The following IPO11 variants were observed in gnomAD, a reference collection of about 807,000 sequenced individuals.
The protein encoded by IPO11 is importin-11.
In IPO11, 66 loss-of-function variants were observed where a neutral mutation model predicts 143.2. The observed-to-expected ratio is 0.46, with a 90% CI of 0.38 to 0.57. The LOEUF is 0.57. Among genes scored for constraint, IPO11 ranks in the 20% least tolerant of loss-of-function variants. IPO11 has a pLI of 0.00. For missense variants in IPO11, 1,026 were observed against 1,141.0 expected, an observed-to-expected ratio of 0.90 and a Z score of 1.45; for synonymous variants, 385 against 377.8, an observed-to-expected ratio of 1.02 and a Z score of -0.22.
intron 22 of IPO11, among the ~76,000 whole-genome samples, chr5:62,534,537 CAT>C (rs1742670794): frequency 6.6e-6 from 1 of 152,070 alleles, no homozygotes; most frequent in Admixed American, 6.5e-5. Context: ...AGATATGAAT[CAT>C]ATATGCACAG....
At chr5:62,601,580 T>A (rs1745509129) in intron 28 of IPO11, among the ~76,000 whole-genome samples, 184 bp from the exon 29 acceptor site, 1 of 152,148 alleles carries the variant, frequency 6.6e-6, no homozygotes, top group East Asian at 1.9e-4. Flanking sequence ...CTTTTTATAG[T>A]GAGATATCTT....
At chr5:62,450,434 G>A (rs1744869688) in intron 4 of IPO11, among the ~76,000 whole-genome samples, 1 of 152,106 alleles carries the variant, frequency 6.6e-6, no homozygotes, top group South Asian at 2.1e-4. Context: ...TCATTAGTTT[G>A]TGGTGATGTT....
intron 3 of IPO11, among the ~76,000 whole-genome samples, chr5:62,446,969 A>T (rs915378378): frequency 2.8e-5 from 4 of 142,602 alleles, no homozygotes; most frequent in African/African-American, 1.1e-4. Context: ...TCTGACTGCA[A>T]AAAAAAAAAA....
At chr5:62,461,714 A>G (rs1321648470) in intron 5 of IPO11, among the ~76,000 whole-genome samples, 1 of 152,212 alleles carries the variant, frequency 6.6e-6, no homozygotes, top group Admixed American at 6.5e-5. Context: ...GCCTTCATTT[A>G]GCAATACCTG....
chr5:62,524,107 G>A (rs1742290388), intron 20 of IPO11, among the ~76,000 whole-genome samples: 1 of 151,990 alleles, frequency 6.6e-6, no homozygotes, highest in East Asian at 1.9e-4. Context: ...TGAACTTTCA[G>A]AGTATTGTAG....
intron 29 of IPO11, among the ~76,000 whole-genome samples, chr5:62,620,143 C>A (rs1746292947): frequency 1.3e-5 from 2 of 152,208 alleles, no homozygotes; most frequent in South Asian, 4.2e-4. Flanking sequence ...TCAGGAGGTC[C>A]TGAGAACATG....
chr5:62,518,940 C>T (rs1378637614), intron 20 of IPO11, among the ~76,000 whole-genome samples: 1 of 152,178 alleles, frequency 6.6e-6, no homozygotes, highest in Non-Finnish European at 1.5e-5. Flanking sequence ...GTGTAGGTGA[C>T]TGTCTAGGGA....
intron 6 of IPO11, among the ~76,000 whole-genome samples, chr5:62,469,659 G>T (rs879365052): frequency 6.6e-6 from 1 of 152,090 alleles, no homozygotes; most frequent in Non-Finnish European, 1.5e-5. Context: ...GAGAAATGTT[G>T]CCCAAAGTAG....
At chr5:62,560,990 C>A in intron 26 of IPO11, 146 bp from the exon 27 acceptor site, 1 of 613,272 alleles carries the variant, frequency 1.6e-6, no homozygotes, top group Non-Finnish European at 2.6e-6. Context: ...CAGCTCATGA[C>A]TTAACCCCAG....
At chr5:62,514,092 C>G (rs1741907854) in intron 19 of IPO11, among the ~76,000 whole-genome samples, 1 of 151,348 alleles carries the variant, frequency 6.6e-6, no homozygotes, top group African/African-American at 2.4e-5. Context: ...GGCAGAGACG[C>G]TCCTCACTTT....
intron 29 of IPO11, among the ~76,000 whole-genome samples, chr5:62,610,912 A>G (rs1480612077): frequency 6.6e-6 from 1 of 152,194 alleles, no homozygotes; most frequent in Admixed American, 6.5e-5. Flanking sequence ...AAAGTGTTAG[A>G]TATCATTAAC....
At chr5:62,506,511 T>C (rs1183397774) in intron 19 of IPO11, among the ~76,000 whole-genome samples, 154 bp downstream of exon 19, 1 of 152,034 alleles carries the variant, frequency 6.6e-6, no homozygotes, top group African/African-American at 2.4e-5. Context: ...TTATTCAAAA[T>C]TGACATATTC....
rs146442578 is a variant in IPO11, at chr5:62,597,278, T to C, written c.2679-4486T>C. Reference sequence around the variant, plus strand: ...GGATAAAAAAAAGAAACATTAGGAATTACATGGGTCTTATTTTCAAGTAGA... The same window carrying C: ...GGATAAAAAAAAGAAACATTAGGAACTACATGGGTCTTATTTTCAAGTAGA... On this transcript the variant is annotated intron_variant, in intron 28 of 29. Transcript: ENST00000325324. Among the ~76,000 whole-genome samples, 907 of 152,276 alleles carry C rather than the reference T, an allele frequency of 6.0e-3. 3 individuals carry two copies. Among genetic ancestry groups the C allele is most frequent in the South Asian group, 0.02 (96 of 4,824 alleles).
intron 27 of IPO11, among the ~76,000 whole-genome samples, chr5:62,572,343 G>A (rs1304894825): frequency 1.3e-5 from 2 of 152,208 alleles, no homozygotes; most frequent in East Asian, 1.9e-4. Context: ...GAAATCAAGT[G>A]CATTTATTAA....
intron 1 of IPO11, among the ~76,000 whole-genome samples, chr5:62,435,780 G>A (rs963837066): frequency 6.6e-6 from 1 of 151,666 alleles, no homozygotes; most frequent in Admixed American, 6.6e-5. Flanking sequence ...TGTAATCCCA[G>A]CACTTTGGGA....
chr5:62,442,554 A>C (rs1346809024), intron 2 of IPO11, among the ~76,000 whole-genome samples: 2 of 152,176 alleles, frequency 1.3e-5, no homozygotes, highest in African/African-American at 4.8e-5. Context: ...AATATAAACA[A>C]ATTTAATTAA....
intron 1 of IPO11, among the ~76,000 whole-genome samples, chr5:62,435,742 A>C (rs1322840613): frequency 6.6e-6 from 1 of 151,542 alleles, no homozygotes; most frequent in Non-Finnish European, 1.5e-5. Context: ...AAAAAATCTC[A>C]ATCTGGCCGG....
chr5:62,579,977 T>C (rs972460729), intron 27 of IPO11: 2 of 1,551,308 alleles, frequency 1.3e-6, no homozygotes, highest in Non-Finnish European at 1.7e-6. Context: ...GTTGGTATGG[T>C]TGCTCTTCGG....
At chr5:62,439,578 C>T (rs569933613) in intron 2 of IPO11, among the ~76,000 whole-genome samples, 16 of 151,030 alleles carry the variant, frequency 1.1e-4, no homozygotes, top group African/African-American at 3.6e-4. Flanking sequence ...TGAGCGACTG[C>T]GCCTGGCCCA....
Sources: gnomAD v4.1 joint callset for allele counts (sites outside exome capture counted in the v4.1 genomes callset) on GRCh38, gnomAD v4.1.1 for gene constraint, MANE v1.5 for transcripts, NCBI Gene and HGNC (gene_info 2026-07-23, HGNC 2026-07-21) for gene names.